EDIL3: variants seen among roughly 807,000 people sequenced by gnomAD.
EDIL3 encodes EGF-like repeat and discoidin I-like domain-containing protein 3.
In EDIL3, 37 loss-of-function variants were observed where a neutral mutation model predicts 67.4. The observed-to-expected ratio is 0.55, with a 90% CI of 0.42 to 0.72. The LOEUF (loss-of-function observed/expected upper bound fraction) is 0.72, where lower values mean the gene tolerates loss of function less well. Among genes scored for constraint, EDIL3 ranks in the 30% least tolerant of loss-of-function variants. The pLI, the probability that EDIL3 is intolerant of heterozygous loss-of-function variation, is 0.00. For synonymous variants in EDIL3, 195 were observed against 196.3 expected, an observed-to-expected ratio of 0.99 and a Z score of 0.05; for missense variants, 527 against 586.3, an observed-to-expected ratio of 0.90 and a Z score of 1.04.
intron 9 of EDIL3, chr5:84,048,189 G>T: frequency 2.5e-6 from 1 of 405,320 alleles, no homozygotes; most frequent in Non-Finnish European, 4.8e-6. Context: ...CTGTGATTTG[G>T]AAATCAGAAT....
At chr5:84,371,319 GTATATA>G (rs71607709) in intron 1 of EDIL3, among the ~76,000 whole-genome samples, 30 of 115,502 alleles carry the variant, frequency 2.6e-4, no homozygotes, top group South Asian at 5.6e-4. Flanking sequence ...TAGATAAAAA[GTATATA>G]TATATATATA....
intron 1 of EDIL3, among the ~76,000 whole-genome samples, chr5:84,373,451 T>C (rs558289849): frequency 6.6e-6 from 1 of 152,288 alleles, no homozygotes; most frequent in African/African-American, 2.4e-5. Context: ...TCACTTCCTG[T>C]CTTCTTATTC....
intron 6 of EDIL3, among the ~76,000 whole-genome samples, chr5:84,087,295 A>G (rs1347835160): frequency 6.6e-6 from 1 of 152,086 alleles, no homozygotes; most frequent in East Asian, 1.9e-4. Context: ...ATTTTTGTTG[A>G]CTCTTTGTAT....
At chr5:84,125,661 C>T (rs1281723168) in intron 5 of EDIL3, among the ~76,000 whole-genome samples, 4 of 151,976 alleles carry the variant, frequency 2.6e-5, no homozygotes, top group Admixed American at 6.6e-5. Flanking sequence ...GACATTCTCC[C>T]TCCCCCTGCC....
chr5:84,252,637 C>A (rs536806895), intron 2 of EDIL3, among the ~76,000 whole-genome samples: 47 of 152,028 alleles, frequency 3.1e-4, no homozygotes, highest in African/African-American at 1.1e-3. Context: ...GAAGGCACTG[C>A]CAATTTGGGG....
At chr5:84,211,223 T>G (rs1744111039) in intron 3 of EDIL3, among the ~76,000 whole-genome samples, 1 of 152,102 alleles carries the variant, frequency 6.6e-6, no homozygotes, top group South Asian at 2.1e-4. Flanking sequence ...ATGAACAGCT[T>G]GGTGTGCAGG....
At chr5:84,273,240 T>C (rs2112098628) in intron 1 of EDIL3, among the ~76,000 whole-genome samples, 1 of 152,322 alleles carries the variant, frequency 6.6e-6, no homozygotes. Flanking sequence ...GCCAGATTCC[T>C]GACCCAATTC....
intron 6 of EDIL3, among the ~76,000 whole-genome samples, chr5:84,081,901 T>G (rs1746977574): frequency 6.6e-6 from 1 of 152,226 alleles, no homozygotes; most frequent in Non-Finnish European, 1.5e-5. Flanking sequence ...AGGGTCCATA[T>G]GAATGCTCTC....
At chr5:84,251,380 G>A (rs1745022570) in intron 2 of EDIL3, among the ~76,000 whole-genome samples, 1 of 151,024 alleles carries the variant, frequency 6.6e-6, no homozygotes, top group African/African-American at 2.4e-5. Context: ...CAAAGTGCTG[G>A]GATTACCGAC....
chr5:84,093,513 G>T (rs1399321532), intron 6 of EDIL3, among the ~76,000 whole-genome samples: 1 of 152,090 alleles, frequency 6.6e-6, no homozygotes, highest in Non-Finnish European at 1.5e-5. Context: ...CTGGAAGCTG[G>T]TCAATAGATG....
intron 1 of EDIL3, among the ~76,000 whole-genome samples, chr5:84,349,947 T>C (rs940459212): frequency 1.3e-5 from 2 of 152,180 alleles, no homozygotes; most frequent in Non-Finnish European, 2.9e-5. Context: ...GCTTAATCCT[T>C]ATAACAGCTC....
chr5:84,356,675 A>G (rs901890786), intron 1 of EDIL3, among the ~76,000 whole-genome samples: 2 of 152,288 alleles, frequency 1.3e-5, no homozygotes, highest in Non-Finnish European at 2.9e-5. Flanking sequence ...TCAGGGAAGA[A>G]CAGGTTCGGG....
chr5:84,310,005 T>A (rs747174502), intron 1 of EDIL3, among the ~76,000 whole-genome samples: 4 of 152,204 alleles, frequency 2.6e-5, no homozygotes, highest in Non-Finnish European at 5.9e-5. Flanking sequence ...CACTCCATGT[T>A]ATCACTGCTT....
rs200180863 is a variant in EDIL3 at position 84,241,686 on chromosome 5, G to GA, written c.197-11803dup. On this transcript the variant is annotated intron_variant, in intron 2 of 10. Transcript: ENST00000296591. ...AGTTTGTGTATTCATGCACCAACAG[G>GA]AAAAAAAAAAAACAACCTGACATAA... 6.6e-3 allele frequency among the ~76,000 whole-genome samples: 891 copies of GA among 135,284 alleles called. 4 individuals carry two copies. The highest frequency in any genetic ancestry group is 0.01 in the African/African-American group (374 of 36,918). 88.8% of individuals were successfully genotyped at this position (135,284 alleles called of 152,430 possible). A position where few individuals can be genotyped will look rare whatever the true frequency, so the allele number is the denominator to read the frequency against.
intron 2 of EDIL3, among the ~76,000 whole-genome samples, chr5:84,247,415 T>A (rs550605962): frequency 0.012 from 1,875 of 152,276 alleles, 34 homozygotes; most frequent in African/African-American, 0.042. Flanking sequence ...TCAGACTCTA[T>A]TATACTACTT....
chr5:84,160,744 T>TTTCCTTTCCTTTC (rs140316379), intron 4 of EDIL3, among the ~76,000 whole-genome samples: 17 of 100,080 alleles, frequency 1.7e-4, no homozygotes, highest in Middle Eastern at 4.9e-3. Context: ...TCTTTTCTTT[T>TTTCCTTTCCTTTC]CTTTCCTTTC....
At chr5:84,169,118 A>C (rs2112346961) in intron 4 of EDIL3, among the ~76,000 whole-genome samples, 1 of 152,114 alleles carries the variant, frequency 6.6e-6, no homozygotes, top group African/African-American at 2.4e-5. Context: ...TCTTTGGCTA[A>C]GCTCTAAAAC....
chr5:83,955,610 C>T (rs755115034), intron 10 of EDIL3, among the ~76,000 whole-genome samples: 7 of 151,606 alleles, frequency 4.6e-5, no homozygotes, highest in African/African-American at 1.2e-4. Context: ...TTATTGAGAA[C>T]GATGTTTCAT....
At chr5:84,381,372 A>T in intron 1 of EDIL3, among the ~76,000 whole-genome samples, 2 of 152,240 alleles carry the variant, frequency 1.3e-5, no homozygotes, top group Admixed American at 1.3e-4. Context: ...TGTATGTTTT[A>T]CCTTGACTCT....
Sources: allele counts gnomAD v4.1 joint callset (sites outside exome capture counted in the v4.1 genomes callset), GRCh38; gene constraint gnomAD v4.1.1; transcripts MANE v1.5; gene names NCBI Gene and HGNC (gene_info 2026-07-23, HGNC 2026-07-21).